SBF2: variants seen among roughly 807,000 people sequenced by gnomAD.
The protein encoded by SBF2 is SET binding factor 2.
Under a neutral mutation model 225.2 loss-of-function variants are expected in SBF2, and 112 were observed. That is an observed-to-expected ratio of 0.50 (90% CI 0.43 to 0.58). The LOEUF (loss-of-function observed/expected upper bound fraction) is 0.58. Ranked by LOEUF, SBF2 falls within the 20% of genes least tolerant of loss-of-function variation. SBF2 has a pLI of 0.00. For missense variants in SBF2, 1,996 were observed against 2,206.2 expected (o/e 0.90, Z 1.91); for synonymous variants, 763 against 773.3 (o/e 0.99, Z 0.22).
At chr11:10,149,059 A>G (rs1955031553) in intron 2 of SBF2, 1 of 152,260 alleles carries the variant, frequency 6.6e-6, no homozygotes, top group African/African-American at 2.4e-5. Flanking sequence ...CTCTAGCAAC[A>G]AAATTCCATC....
Position 9,861,533 on chromosome 11 carries a change from A to G in SBF2, c.1930-3137T>C, listed in dbSNP as rs567212006. ...ACAAAAATTAGCTGGGTGTGGTGGC[A>G]GGCACCTGTAATCCCAGCTACTTGG... On this transcript the variant is annotated intron_variant, in intron 17 of 39. Transcript: ENST00000256190. Among the ~76,000 whole-genome samples, 9 of 152,064 alleles carry G rather than the reference A, an allele frequency of 5.9e-5. No individual in the cohort carries two copies. The South Asian group carries it at 1.9e-3, about 32-fold the overall frequency.
intron 6 of SBF2, among the ~76,000 whole-genome samples, chr11:10,024,556 C>G (rs1240918506): frequency 1.3e-5 from 2 of 152,084 alleles, no homozygotes; most frequent in African/African-American, 4.8e-5. Context: ...GCAAGCATCT[C>G]CCCAAACCCC....
intron 16 of SBF2, among the ~76,000 whole-genome samples, chr11:9,951,489 A>G (rs773959031): frequency 1.6e-4 from 25 of 152,226 alleles, no homozygotes; most frequent in African/African-American, 6.0e-4. Flanking sequence ...GGTAATGCAG[A>G]TGAGTAAGAC....
intron 17 of SBF2, among the ~76,000 whole-genome samples, chr11:9,881,845 G>A (rs1488871872): frequency 6.6e-6 from 1 of 152,094 alleles, no homozygotes; most frequent in Non-Finnish European, 1.5e-5. Context: ...GAAATAGGCT[G>A]GGCGTGGTGG....
At chr11:9,989,460 A>G in intron 13 of SBF2, 37 bp downstream of exon 13, 1 of 1,282,328 alleles carries the variant, frequency 7.8e-7, no homozygotes, top group Non-Finnish European at 1.1e-6. Context: ...ATAAATAAAT[A>G]AAATTAATGA....
rs1474294434 is a variant in SBF2 at position 9,968,376 on chromosome 11, T to C, written c.1565A>G (p.Glu522Gly). 2 of 1,614,080 alleles carry C rather than the reference T, an allele frequency of 1.2e-6. No individual in the cohort carries two copies. The highest frequency in any genetic ancestry group is 2.7e-5 in the African/African-American group (2 of 74,918). The part of the protein sequence containing the change: ...NQNAPPATRI[E>G]KKCVVPAGPP... ...ACCTGCTGGCACAACACATTTCTTTTCTATTCGTGTGGCAGGAGGTGCATT... is the reference window on the plus strand; with the variant it reads ...ACCTGCTGGCACAACACATTTCTTTCCTATTCGTGTGGCAGGAGGTGCATT... Residue 522 changes from glutamate to glycine, a missense_variant, in exon 14 of 40, where the codon GAA (glutamate) becomes GGA (glycine). Physicochemically the swap from Glu to Gly is moderately conservative, Grantham distance 98 (BLOSUM62 -2). Coordinates refer to ENST00000256190, the MANE Select transcript of SBF2 (RefSeq NM_030962.4).
chr11:10,222,353 C>G (rs925493719), intron 1 of SBF2, among the ~76,000 whole-genome samples: 9 of 152,130 alleles, frequency 5.9e-5, no homozygotes, highest in African/African-American at 2.2e-4. Flanking sequence ...CATAGATTTT[C>G]AAGCAACTAT....
intron 2 of SBF2, among the ~76,000 whole-genome samples, chr11:10,106,424 C>T (rs1169114889): frequency 3.9e-5 from 6 of 151,936 alleles, no homozygotes; most frequent in East Asian, 1.9e-4. Context: ...GTCAGGAGTT[C>T]GAGAACAGCC....
intron 36 of SBF2, 173 bp from the exon 37 acceptor site, chr11:9,785,491 C>G (rs1852312701): frequency 1.6e-6 from 1 of 638,106 alleles, no homozygotes; most frequent in Admixed American, 2.6e-5. Context: ...TGGAAACAAC[C>G]TACACGTCCA....
chr11:10,093,274 CA>C (rs1396515665), intron 2 of SBF2, among the ~76,000 whole-genome samples: 1 of 151,690 alleles, frequency 6.6e-6, no homozygotes, highest in Non-Finnish European at 1.5e-5. Flanking sequence ...CTCAGCCTCC[CA>C]AAGTGCTGGG....
chr11:9,852,325 C>T (rs950486013), intron 21 of SBF2, among the ~76,000 whole-genome samples: 1 of 151,608 alleles, frequency 6.6e-6, no homozygotes, highest in Non-Finnish European at 1.5e-5. Context: ...TGATAATTGC[C>T]TTAAATCCTT....
intron 13 of SBF2, among the ~76,000 whole-genome samples, chr11:9,980,004 CAG>C (rs1205327377): frequency 6.6e-6 from 1 of 150,712 alleles, no homozygotes; most frequent in African/African-American, 2.4e-5. Context: ...TTTTTCAAGA[CAG>C]AGTCTTGCTC....
chr11:10,161,801 T>C (rs1354542489), intron 2 of SBF2, among the ~76,000 whole-genome samples: 1 of 90,598 alleles, frequency 1.1e-5, no homozygotes, highest in Non-Finnish European at 2.4e-5. Context: ...CCTCCTTCTC[T>C]ACAAAAAAAA....
chr11:10,104,323 C>A (rs138890378), intron 2 of SBF2, among the ~76,000 whole-genome samples: 125 of 152,250 alleles, frequency 8.2e-4, no homozygotes, highest in Middle Eastern at 3.4e-3. Flanking sequence ...ACAGTACCAG[C>A]CCTTTAAATC....
In SBF2 at chr11:9,919,270, C is replaced by CTTTTT. The variant is rs779718076; in HGVS notation, c.1861-23264_1861-23260dup. On this transcript the variant is annotated intron_variant, in intron 16 of 39. Transcript: ENST00000256190. Reference sequence around the variant, plus strand: ...CCTCTCCTTTCTTCTTCTTCTTCTTCTTTTTTTTTTTTGAGATAGAGTTTT... The same window carrying CTTTTT: ...CCTCTCCTTTCTTCTTCTTCTTCTTCTTTTTTTTTTTTTTTTTGAGATAGAGTTTT... 4.5e-4 allele frequency among the ~76,000 whole-genome samples: 63 copies of CTTTTT among 139,934 alleles called. 2 individuals are homozygous for CTTTTT. Among genetic ancestry groups the CTTTTT allele is most frequent in the South Asian group, 2.5e-3 (11 of 4,478 alleles). 91.8% of individuals were successfully genotyped at this position (139,934 alleles called of 152,430 possible).
At chr11:9,968,844 C>A (rs980281531) in intron 13 of SBF2, among the ~76,000 whole-genome samples, 1 of 152,144 alleles carries the variant, frequency 6.6e-6, no homozygotes, top group Non-Finnish European at 1.5e-5. Context: ...ATGTGAATAT[C>A]TCAGGGCTCA....
At chr11:9,931,682 G>A (rs1237342166) in intron 16 of SBF2, among the ~76,000 whole-genome samples, 1 of 152,210 alleles carries the variant, frequency 6.6e-6, no homozygotes, top group Non-Finnish European at 1.5e-5. Flanking sequence ...AGAAACCAGA[G>A]CAGAAAAGCT....
intron 6 of SBF2, among the ~76,000 whole-genome samples, chr11:10,007,801 G>A (rs938782711): frequency 2.6e-5 from 4 of 152,100 alleles, no homozygotes; most frequent in Non-Finnish European, 5.9e-5. Flanking sequence ...CTTAGGTCAC[G>A]CCCCCTTCAA....
chr11:9,812,508 G>T, intron 30 of SBF2, 24 bp downstream of exon 30: 1 of 1,613,522 alleles, frequency 6.2e-7, no homozygotes, highest in Non-Finnish European at 8.5e-7. Flanking sequence ...GAGTTATAAA[G>T]AAAGAAGCTG....
Sources: allele counts gnomAD v4.1 joint callset (sites outside exome capture counted in the v4.1 genomes callset), GRCh38; gene constraint gnomAD v4.1.1; transcripts MANE v1.5; gene names NCBI Gene and HGNC (gene_info 2026-07-23, HGNC 2026-07-21).